Variants in ANXA3 observed in about 807,000 individuals in gnomAD.
ANXA3 encodes 35-alpha calcimedin.
In ANXA3, 46 loss-of-function variants were observed where a neutral mutation model predicts 48.8. The ratio of observed to expected loss-of-function variants is 0.94; its 90% CI spans 0.74 to 1.21. The LOEUF is 1.21. Ranked by LOEUF, ANXA3 falls within the 50% of genes most tolerant of loss-of-function variation. The pLI is 0.00. For synonymous variants in ANXA3, 128 were observed against 134.7 expected (o/e 0.95, Z 0.35); for missense variants, 383 against 378.6 (o/e 1.01, Z -0.10).
At chr4:78,555,809 C>G (rs1002267525) in intron 2 of ANXA3, among the ~76,000 whole-genome samples, 2 of 151,546 alleles carry the variant, frequency 1.3e-5, no homozygotes, top group African/African-American at 4.9e-5. Context: ...CATGTTCATA[C>G]CACTGTACTC....
chr4:78,553,242 C>G (rs911875359), intron 1 of ANXA3, among the ~76,000 whole-genome samples: 3 of 152,226 alleles, frequency 2.0e-5, no homozygotes, highest in African/African-American at 7.2e-5. Flanking sequence ...CCATACCTCT[C>G]TGGGCTCCAG....
Position 78,591,539 on chromosome 4 carries a change from T to G in ANXA3, c.404-5T>G, listed in dbSNP as rs1434134585. Reference sequence around the variant, plus strand: ...AGGCTTAATTTCATTCTGATTTGGTTTCAGTATACAAGAAGAGTCTTGGAG... The same window carrying G: ...AGGCTTAATTTCATTCTGATTTGGTGTCAGTATACAAGAAGAGTCTTGGAG... On this transcript the variant is annotated splice_polypyrimidine_tract_variant and splice_region_variant and intron_variant, in intron 6 of 12. Coordinates refer to ENST00000264908, the MANE Select transcript of ANXA3 (RefSeq NM_005139.3). The G allele has an allele frequency of 1.2e-6, 2 of 1,601,622 alleles. No homozygotes were observed. The highest frequency in any genetic ancestry group is 1.7e-6 in the Non-Finnish European group (2 of 1,170,840).
chr4:78,595,367 G>A lies in ANXA3; in HGVS notation c.484-14G>A, dbSNP rs374602716. 102 of 1,613,596 alleles carry A rather than the reference G, an allele frequency of 6.3e-5. No homozygotes were observed. The highest frequency in any genetic ancestry group is 3.0e-4 in the South Asian group (27 of 91,058). On this transcript the variant is annotated splice_polypyrimidine_tract_variant and intron_variant, in intron 7 of 12. Transcript: ENST00000264908. ...TCTTTAAAGGATGGCCCTTGTTTTC[G>A]TCCTCCTGTTTAGGGCAGAAGAGAT...
chr4:78,572,691 C>G (rs1396359063), intron 2 of ANXA3, among the ~76,000 whole-genome samples: 1 of 152,066 alleles, frequency 6.6e-6, no homozygotes, highest in African/African-American at 2.4e-5. Flanking sequence ...TCTCAAAAGG[C>G]CAACTGTAGG....
At chr4:78,572,072 A>G (rs1722850530) in intron 2 of ANXA3, among the ~76,000 whole-genome samples, 1 of 152,242 alleles carries the variant, frequency 6.6e-6, no homozygotes, top group South Asian at 2.1e-4. Flanking sequence ...CTTCTGTGCG[A>G]GATGCCATGA....
intron 3 of ANXA3, among the ~76,000 whole-genome samples, chr4:78,575,725 T>C (rs577658975): frequency 8.1e-4 from 124 of 152,366 alleles, no homozygotes; most frequent in African/African-American, 2.9e-3. Flanking sequence ...CATAGAAGTT[T>C]TAAATTTTAG....
rs749613165 is a variant in ANXA3 at position 78,582,257 on chromosome 4, C to G, written c.279C>G (p.Val93=). The G allele has an allele frequency of 1.9e-6, 3 of 1,613,302 alleles. No individual in the cohort carries two copies. Among genetic ancestry groups the G allele is most frequent in the Non-Finnish European group, 1.7e-6 (2 of 1,179,318 alleles). The part of the protein sequence containing the change: ...LMVALVTPPA[V]FDAKQLKKSM... ...TGGCCCTAGTGACTCCACCAGCAGT[C>G]TTTGATGCAAAGCAGCTAAAGAAAT... The change falls in exon 5 of 13, where the codon GTC becomes GTG. Residue 93 remains valine (V), a synonymous_variant. Transcript: ENST00000264908.
chr4:78,569,366 A>T (rs888832875), intron 2 of ANXA3, among the ~76,000 whole-genome samples: 4 of 152,186 alleles, frequency 2.6e-5, no homozygotes, highest in Non-Finnish European at 5.9e-5. Context: ...AACTCAGCCA[A>T]GTATTGATTA....
intron 1 of ANXA3, 35 bp from the exon 2 acceptor site, chr4:78,554,401 A>G (rs1309679557): frequency 2.9e-6 from 4 of 1,366,770 alleles, no homozygotes; most frequent in Non-Finnish European, 4.2e-6. Flanking sequence ...TGAATCACAT[A>G]TTGATACCAT....
At chr4:78,573,767 T>A (rs1272666568) in intron 3 of ANXA3, among the ~76,000 whole-genome samples, 2 of 152,326 alleles carry the variant, frequency 1.3e-5, no homozygotes, top group East Asian at 1.9e-4. Flanking sequence ...TTCTTGAAAC[T>A]GTAGTGCCAC....
chr4:78,553,949 A>G (rs1219379779), intron 1 of ANXA3: 1 of 154,860 alleles, frequency 6.5e-6, no homozygotes, highest in Non-Finnish European at 1.4e-5. Flanking sequence ...TGTCTTTATA[A>G]CAGACTGTAG....
chr4:78,568,084 C>T (rs1722767844), intron 2 of ANXA3, among the ~76,000 whole-genome samples: 2 of 152,200 alleles, frequency 1.3e-5, no homozygotes, highest in Admixed American at 1.3e-4. Context: ...TAATTAATTA[C>T]ATCTGCAATA....
At position 78,604,346 on chromosome 4, in the gene ANXA3, A is replaced by T. The variant is rs986329242; in HGVS notation, c.859A>T (p.Ile287Phe). 2 of 1,613,548 alleles carry T rather than the reference A, an allele frequency of 1.2e-6. No homozygotes were observed. Among genetic ancestry groups the T allele is most frequent in the Non-Finnish European group, 1.7e-6 (2 of 1,179,642 alleles). ...VSRSEIDLLD[I>F]RTEFKKHYGY... is the part of the protein sequence containing the mutation. ...CAGATCAGAAATTGACCTTTTGGAC[A>T]TTCGAACAGAGTTCAAGAAGCATTA... The change falls in exon 12 of 13, where the codon ATT becomes TTT. Residue 287 changes from isoleucine to phenylalanine, a missense_variant. By Grantham distance (21) the Ile-to-Phe change is conservative. Coordinates refer to ENST00000264908, the MANE Select transcript of ANXA3 (RefSeq NM_005139.3).
At chr4:78,604,844 G>A (rs140793000) in intron 12 of ANXA3, among the ~76,000 whole-genome samples, 1 of 152,112 alleles carries the variant, frequency 6.6e-6, no homozygotes, top group Non-Finnish European at 1.5e-5. Context: ...TTTAACAGCT[G>A]TATATCATTC....
intron 10 of ANXA3, among the ~76,000 whole-genome samples, chr4:78,599,156 C>G (rs909878302): frequency 3.9e-5 from 6 of 152,092 alleles, no homozygotes; most frequent in African/African-American, 1.4e-4. Context: ...ATAAAGTTCA[C>G]CCACTCAAAG....
At chr4:78,571,579 A>T (rs577275886) in intron 2 of ANXA3, among the ~76,000 whole-genome samples, 5 of 152,322 alleles carry the variant, frequency 3.3e-5, no homozygotes, top group African/African-American at 1.2e-4. Context: ...AAGAGAGCCA[A>T]AATGAACCCA....
intron 2 of ANXA3, among the ~76,000 whole-genome samples, chr4:78,568,300 T>C (rs897972312): frequency 2.0e-5 from 3 of 152,244 alleles, no homozygotes; most frequent in African/African-American, 7.2e-5. Flanking sequence ...TTTCCAAGTT[T>C]GATTGCTTTA....
chr4:78,559,696 C>T (rs1359789728), intron 2 of ANXA3, among the ~76,000 whole-genome samples: 3 of 152,176 alleles, frequency 2.0e-5, no homozygotes, highest in Non-Finnish European at 2.9e-5. Flanking sequence ...TGTAACTCTC[C>T]CTTTCAGAAC....
At chr4:78,601,322 A>G (rs1723530478) in intron 10 of ANXA3, among the ~76,000 whole-genome samples, 188 bp from the exon 11 acceptor site, 1 of 152,196 alleles carries the variant, frequency 6.6e-6, no homozygotes, top group Non-Finnish European at 1.5e-5. Flanking sequence ...TTCTGTGCAA[A>G]TATGGTATTA....
Sources: allele counts gnomAD v4.1 joint callset (sites outside exome capture counted in the v4.1 genomes callset), GRCh38; gene constraint gnomAD v4.1.1; transcripts MANE v1.5; gene names NCBI Gene and HGNC (gene_info 2026-07-23, HGNC 2026-07-21).